Variants in SPRTN observed in about 807,000 individuals in gnomAD.
The protein encoded by SPRTN is DNA-dependent metalloprotease SPRTN.
Under a neutral mutation model 31.9 loss-of-function variants are expected in SPRTN, and 11 were observed. The ratio of observed to expected loss-of-function variants is 0.34; its 90% CI spans 0.22 to 0.57. The LOEUF is 0.57. Among genes scored for constraint, SPRTN ranks in the 20% least tolerant of loss-of-function variants. SPRTN has a pLI of 0.86. For synonymous variants in SPRTN, 185 were observed against 212.1 expected (o/e 0.87, Z 1.11); for missense variants, 482 against 590.1 (o/e 0.82, Z 1.90).
In SPRTN at chr1:231,353,599, G is replaced by C; in HGVS notation, c.*238G>C. 8.5e-7 allele frequency: 1 copy of C among 1,178,854 alleles called. No individual in the cohort carries two copies. The highest frequency in any genetic ancestry group is 3.5e-4 in the Middle Eastern group (1 of 2,898). 73.0% of individuals were successfully genotyped at this position (1,178,854 alleles called of 1,614,324 possible). A position where few individuals can be genotyped will look rare whatever the true frequency, so the allele number is the denominator to read the frequency against. On this transcript the variant is annotated 3_prime_UTR_variant, in exon 5 of 5. Transcript: ENST00000295050. ...TACTGTAACCCAGGTTCTGCCTGTCGTGTATAAGTTTTAGATACTTTTGTT... is the reference window on the plus strand; with the variant it reads ...TACTGTAACCCAGGTTCTGCCTGTCCTGTATAAGTTTTAGATACTTTTGTT...
intron 3 of SPRTN, among the ~76,000 whole-genome samples, chr1:231,350,123 T>C (rs553148325): frequency 1.3e-5 from 2 of 152,350 alleles, no homozygotes; most frequent in African/African-American, 4.8e-5. Flanking sequence ...TTAAAACCTA[T>C]GTCCTTCAGT....
Position 231,352,890 on chromosome 1 carries a change from T to C in SPRTN, c.999T>C (p.Pro333=). Residue 333 remains proline, a synonymous_variant, in exon 5 of 5, where the codon CCT becomes CCC. Coordinates refer to ENST00000295050, the MANE Select transcript of SPRTN (RefSeq NM_032018.7). ...AAAATGTTCTAAGCAACTACTTTCCTAGAGTATCATTTGCCAACCAAAAGG... is the reference window on the plus strand; with the variant it reads ...AAAATGTTCTAAGCAACTACTTTCCCAGAGTATCATTTGCCAACCAAAAGG... ...SHQNVLSNYF[P]RVSFANQKAF... The C allele has an allele frequency of 6.2e-7, 1 of 1,614,160 alleles. No homozygotes were observed. Among genetic ancestry groups the C allele is most frequent in the Non-Finnish European group, 8.5e-7 (1 of 1,180,004 alleles).
Position 231,351,492 on chromosome 1 carries a change from G to A in SPRTN, c.639G>A (p.Lys213=). The A allele has an allele frequency of 6.2e-7, 1 of 1,614,028 alleles. No homozygotes were observed. Among genetic ancestry groups the A allele is most frequent in the Non-Finnish European group, 8.5e-7 (1 of 1,180,002 alleles). The change falls in exon 4 of 5, where the codon AAG becomes AAA. Residue 213 remains lysine (K), a synonymous_variant. Coordinates refer to ENST00000295050, the MANE Select transcript of SPRTN (RefSeq NM_032018.7). Reference sequence around the variant, plus strand: ...GTGGAGGCACTTACATAAAAATCAAGGAACCAGAGAATTACTCAAAAAAAG... The same window carrying A: ...GTGGAGGCACTTACATAAAAATCAAAGAACCAGAGAATTACTCAAAAAAAG... The part of the protein sequence containing the change: ...KTCGGTYIKI[K]EPENYSKKGK...
At position 231,353,701 on chromosome 1, in the gene SPRTN, A is replaced by T; in HGVS notation, c.*340A>T. On this transcript the variant is annotated 3_prime_UTR_variant, in exon 5 of 5. Coordinates refer to ENST00000295050, the MANE Select transcript of SPRTN (RefSeq NM_032018.7). ...CTTTCCTAAAAATATTCATATGGGG[A>T]ATCCTGTCAGGTGTTTGGTTATATT... 1 of 995,072 alleles carries T rather than the reference A, an allele frequency of 1.0e-6. No homozygotes were observed. Among genetic ancestry groups the T allele is most frequent in the Non-Finnish European group, 1.2e-6 (1 of 831,276 alleles). The allele number at this position is 995,072 out of a possible 1,614,324, so 61.6% of individuals were successfully genotyped here.
At chr1:231,351,856 T>C (rs1311097928) in intron 4 of SPRTN, 2 of 1,057,546 alleles carry the variant, frequency 1.9e-6, no homozygotes, top group East Asian at 1.3e-4. Context: ...CAAAATTCAA[T>C]CTCTGATAAT....
intron 4 of SPRTN, 122 bp downstream of exon 4, chr1:231,351,693 C>CTTCACCACTT (rs1390527696): frequency 6.7e-7 from 1 of 1,488,250 alleles, no homozygotes; most frequent in East Asian, 2.4e-5. Context: ...TAGAAGTCTT[C>CTTCACCACTT]AAGTGTAGAC....
chr1:231,347,324 A>G (rs1687089222), intron 2 of SPRTN, among the ~76,000 whole-genome samples: 1 of 152,108 alleles, frequency 6.6e-6, no homozygotes, highest in Non-Finnish European at 1.5e-5. Flanking sequence ...ATGAGTGCTT[A>G]TATAATTTTT....
intron 2 of SPRTN, among the ~76,000 whole-genome samples, chr1:231,344,268 G>A (rs1686984755): frequency 6.6e-6 from 1 of 152,208 alleles, no homozygotes; most frequent in East Asian, 1.9e-4. Flanking sequence ...GCTCATGCAC[G>A]TAATCAGATA....
Position 231,353,151 on chromosome 1 carries a change from T to G in SPRTN, c.1260T>G (p.Phe420Leu). The G allele has an allele frequency of 6.2e-7, 1 of 1,612,170 alleles. No individual in the cohort carries two copies. Among genetic ancestry groups the G allele is most frequent in the South Asian group, 1.1e-5 (1 of 90,638 alleles). The change falls in exon 5 of 5, where the codon TTT (phenylalanine) becomes TTG (leucine). Residue 420 changes from phenylalanine (F) to leucine (L), a missense_variant. Physicochemically the swap from Phe to Leu is conservative, Grantham distance 22. Around this residue, in one of 2 missense-constraint regions of SPRTN, gnomAD observed 325 missense variants for 350.2 expected, o/e 0.93. Coordinates refer to ENST00000295050, the MANE Select transcript of SPRTN (RefSeq NM_032018.7). ...RLEDKTVFDN[F>L]FIKKEQIKSS... ...AAGATAAGACTGTTTTTGACAATTT[T>G]TTTATCAAGAAAGAGCAAATAAAAA...
chr1:231,352,076 A>G, intron 4 of SPRTN: 1 of 989,754 alleles, frequency 1.0e-6, no homozygotes, highest in Non-Finnish European at 1.2e-6. Flanking sequence ...GATATGACAT[A>G]TATTTGCCAG....
At chr1:231,339,575 C>A (rs746036435) in intron 1 of SPRTN, 194 bp from the exon 2 acceptor site, 1 of 748,394 alleles carries the variant, frequency 1.3e-6, no homozygotes, top group South Asian at 1.5e-5. Flanking sequence ...CGGCGGGGAT[C>A]GGAGCCATCG....
At chr1:231,340,448 T>C (rs1289740374) in intron 2 of SPRTN, among the ~76,000 whole-genome samples, 2 of 152,272 alleles carry the variant, frequency 1.3e-5, no homozygotes, top group Non-Finnish European at 2.9e-5. Context: ...GCTGTTTTCA[T>C]TTTTATGAGT....
chr1:231,349,598 G>A (rs942237209), intron 3 of SPRTN, among the ~76,000 whole-genome samples: 1 of 152,134 alleles, frequency 6.6e-6, no homozygotes, highest in Non-Finnish European at 1.5e-5. Flanking sequence ...GCTTTTACAG[G>A]TTACATCCTG....
At chr1:231,340,223 C>G (rs1456598206) in intron 2 of SPRTN, among the ~76,000 whole-genome samples, 3 of 151,874 alleles carry the variant, frequency 2.0e-5, no homozygotes, top group East Asian at 1.9e-4. Flanking sequence ...GAAAATTAGC[C>G]GGGCGTGGTG....
chr1:231,354,569 A>T lies in SPRTN; in HGVS notation c.*1208A>T, dbSNP rs138485647. ...CCAGTTGATACCCATGACCCTCACCACCTCCAGAGGTCCCCACTGTTTTCA... is the reference window on the plus strand; with the variant it reads ...CCAGTTGATACCCATGACCCTCACCTCCTCCAGAGGTCCCCACTGTTTTCA... On this transcript the variant is annotated 3_prime_UTR_variant, in exon 5 of 5. Coordinates refer to ENST00000295050, the MANE Select transcript of SPRTN (RefSeq NM_032018.7). 134 of 172,762 alleles carry T rather than the reference A, an allele frequency of 7.8e-4. 1 individual carries two copies. In the East Asian group the frequency reaches 0.022, roughly 28 times the overall value. 10.7% of individuals were successfully genotyped at this position (172,762 alleles called of 1,614,324 possible). A position where few individuals can be genotyped will look rare whatever the true frequency, so the allele number is the denominator to read the frequency against.
In SPRTN at chr1:231,353,147, A is replaced by AT. The variant is rs567805129; in HGVS notation, c.1263dup (p.Ile422TyrfsTer11). On this transcript the variant is annotated frameshift_variant, in exon 5 of 5. Coordinates refer to ENST00000295050, the MANE Select transcript of SPRTN (RefSeq NM_032018.7). LOFTEE classifies it low-confidence loss of function (END_TRUNC). ...CTAGAAGATAAGACTGTTTTTGACA[A>AT]TTTTTTTATCAAGAAAGAGCAAATA... 4.2e-5 allele frequency: 68 copies of AT among 1,611,850 alleles called. No homozygotes were observed. The highest frequency in any genetic ancestry group is 1.1e-4 in the East Asian group (5 of 44,850).
intron 3 of SPRTN, among the ~76,000 whole-genome samples, chr1:231,350,385 T>C (rs1687189044): frequency 6.6e-6 from 1 of 152,144 alleles, no homozygotes; most frequent in Non-Finnish European, 1.5e-5. Flanking sequence ...CCCATAGTCA[T>C]TTAGGAGTCA....
intron 1 of SPRTN, chr1:231,339,315 A>C: frequency 3.1e-6 from 1 of 322,044 alleles, no homozygotes. Flanking sequence ...GCTACTGGAG[A>C]TATCTGCTTG....
chr1:231,346,988 T>C (rs1356143488), intron 2 of SPRTN, among the ~76,000 whole-genome samples: 3 of 152,092 alleles, frequency 2.0e-5, no homozygotes, highest in Admixed American at 6.6e-5. Context: ...ATTCATTGAT[T>C]TTTCTGGATT....
Sources: allele counts gnomAD v4.1 joint callset (sites outside exome capture counted in the v4.1 genomes callset), GRCh38; gene constraint gnomAD v4.1.1; regional missense constraint gnomAD v4.1.1; transcripts MANE v1.5; gene names NCBI Gene and HGNC (gene_info 2026-07-23, HGNC 2026-07-21).